The following SWI5 variants were observed in gnomAD, a reference collection of about 807,000 sequenced individuals.
SWI5 encodes SWI5 homologous recombination repair protein, also known as DNA repair protein SWI5 homolog.
In SWI5, 12 loss-of-function variants were observed where a neutral mutation model predicts 17.0. The ratio of observed to expected loss-of-function variants is 0.71; its 90% CI spans 0.45 to 1.14. The LOEUF (loss-of-function observed/expected upper bound fraction) is 1.14, where lower values mean the gene tolerates loss of function less well. SWI5 is among the 50% of genes most tolerant of loss of function. The pLI is 0.00. For missense variants in SWI5, 158 were observed against 162.2 expected, an observed-to-expected ratio of 0.97 and a Z score of 0.14; for synonymous variants, 61 against 64.0, an observed-to-expected ratio of 0.95 and a Z score of 0.22.
chr9:128,279,324 C>A (rs948082166), intron 2 of SWI5, among the ~76,000 whole-genome samples: 6 of 152,174 alleles, frequency 3.9e-5, no homozygotes, highest in African/African-American at 1.4e-4. Context: ...GAGAAAACCG[C>A]TGGGCCCAGG....
rs1436916997 is a variant in SWI5, at chr9:128,285,936, C to G, written c.234-3C>G. ...TTCCCCCTCTCTCCATCGCTTATCC[C>G]AGAGGCTACAGTGTGGATGAACTGG... On this transcript the variant is annotated splice_region_variant and splice_polypyrimidine_tract_variant and intron_variant, in intron 3 of 4. Transcript: ENST00000418976. This position sits in a 1 kb window ranked among gnomAD's most constrained non-coding sequence, Gnocchi z 4.8. The G allele has an allele frequency of 6.2e-7, 1 of 1,611,214 alleles. No individual in the cohort carries two copies. The highest frequency in any genetic ancestry group is 8.5e-7 in the Non-Finnish European group (1 of 1,177,384).
intron 4 of SWI5, among the ~76,000 whole-genome samples, chr9:128,287,038 GGCTGAGGCAGGAGACTCGC>G (rs1402145874): frequency 6.6e-6 from 1 of 151,654 alleles, no homozygotes; most frequent in Admixed American, 6.6e-5. Flanking sequence ...CTATTTGGGT[GGCTGAGGCAGGAGACTCGC>G]TTGAACCCGG....
intron 4 of SWI5, among the ~76,000 whole-genome samples, chr9:128,287,482 C>T (rs1831662734): frequency 6.7e-6 from 1 of 149,412 alleles, no homozygotes; most frequent in Non-Finnish European, 1.5e-5. Flanking sequence ...AAAAAGAACA[C>T]AAGCTCTTAG....
intron 2 of SWI5, among the ~76,000 whole-genome samples, chr9:128,277,119 A>C (rs1831419206): frequency 6.6e-6 from 1 of 152,022 alleles, no homozygotes; most frequent in East Asian, 1.9e-4. Context: ...AGTCAGGAAA[A>C]TGCTTGGCGT....
intron 2 of SWI5, chr9:128,278,577 A>G: frequency 2.3e-6 from 1 of 436,994 alleles, no homozygotes. Context: ...AAAAAAAAAA[A>G]GGAGGCTCTA....
At position 128,276,264 on chromosome 9, in the gene SWI5, T is replaced by A. The variant is rs199628663; in HGVS notation, c.-77T>A. 39 of 1,612,736 alleles carry A rather than the reference T, an allele frequency of 2.4e-5. No individual in the cohort carries two copies. Among genetic ancestry groups the A allele is most frequent in the Non-Finnish European group, 3.3e-5 (39 of 1,179,528 alleles). On this transcript the variant is annotated 5_prime_UTR_variant, in exon 1 of 5. Coordinates refer to ENST00000418976, the Ensembl canonical transcript of SWI5. ...GGCTTTCCTTGGGTGCGCGCGCAGC[T>A]TTCTGTGCGCCAGTTCACACTCCGG... is the stretch of plus-strand genomic sequence containing the variant.
exon 1 of SWI5, chr9:128,276,348 C>G: frequency 6.2e-7 from 1 of 1,613,358 alleles, no homozygotes; most frequent in Middle Eastern, 1.7e-4. Context: ...GCGCTGGACC[C>G]TCTTGCGCCA....
chr9:128,280,436 A>AC, intron 2 of SWI5, among the ~76,000 whole-genome samples: 1 of 151,832 alleles, frequency 6.6e-6, no homozygotes, highest in East Asian at 1.9e-4. Flanking sequence ...CATCAGAGGA[A>AC]CCCCAAGCTC....
At position 128,287,713 on chromosome 9, in the gene SWI5, C is replaced by A. The variant is rs113493514; in HGVS notation, c.329-939C>A. Among the ~76,000 whole-genome samples, 228 of 151,874 alleles carry A rather than the reference C, an allele frequency of 1.5e-3. 1 individual carries two copies. Among genetic ancestry groups the A allele is most frequent in the Non-Finnish European group, 2.5e-3 (172 of 67,968 alleles). On this transcript the variant is annotated intron_variant, in intron 4 of 4. Coordinates refer to ENST00000418976, the Ensembl canonical transcript of SWI5. Reference sequence around the variant, plus strand: ...AGTAGCTGGGACTGCAGGCATCCACCACCACGCCCGGCTAATTTTTGTATT... The same window carrying A: ...AGTAGCTGGGACTGCAGGCATCCACAACCACGCCCGGCTAATTTTTGTATT...
At chr9:128,288,506 A>T (rs1588509726) in intron 4 of SWI5, 146 bp from the exon 5 acceptor site, 1 of 813,538 alleles carries the variant, frequency 1.2e-6, no homozygotes, top group Non-Finnish European at 2.0e-6. Context: ...TACCTTGGCC[A>T]GTTAGGCAAG....
chr9:128,281,668 A>G (rs535746715), intron 2 of SWI5, among the ~76,000 whole-genome samples: 43 of 152,404 alleles, frequency 2.8e-4, no homozygotes, highest in Non-Finnish European at 4.0e-4. Context: ...CTATGCAATC[A>G]GCAGTAAACA....
chr9:128,285,250 G>A lies in SWI5; in HGVS notation c.233+619G>A, dbSNP rs1588507199. Among the ~76,000 whole-genome samples, 1 of 150,058 alleles carries A rather than the reference G, an allele frequency of 6.7e-6. No homozygotes were observed. The highest frequency in any genetic ancestry group is 2.0e-4 in the East Asian group (1 of 5,026). On this transcript the variant is annotated intron_variant, in intron 3 of 4. Transcript: ENST00000418976. The surrounding 1 kb of genome is among the most constrained non-coding windows in gnomAD (Gnocchi z 4.8). ...AAGAAAGGAAGGGAAAGAAGGAAAG[G>A]GGGGAAGGAAAGGGAAGGAAGGAAG...
At chr9:128,284,388 C>T in intron 2 of SWI5, 122 bp from the exon 3 acceptor site, 1 of 1,161,602 alleles carries the variant, frequency 8.6e-7, no homozygotes, top group Non-Finnish European at 1.2e-6. Context: ...GAAATGCAGT[C>T]TTATTGAGGG....
upstream of SWI5, chr9:128,275,748 G>A: frequency 1.7e-6 from 1 of 594,650 alleles, no homozygotes; most frequent in South Asian, 2.2e-5. Flanking sequence ...GGGGCTGGCT[G>A]ACAAGACTTT....
intron 4 of SWI5, chr9:128,286,297 G>C: frequency 2.2e-6 from 1 of 451,280 alleles, no homozygotes; most frequent in East Asian, 3.7e-5. Context: ...TGAGAACTCA[G>C]GGTCTCCCCA....
intron 2 of SWI5, among the ~76,000 whole-genome samples, chr9:128,281,028 CTTTTTTTTTTTTT>C (rs11306272): frequency 6.9e-5 from 3 of 43,774 alleles, no homozygotes; most frequent in East Asian, 1.2e-3. Context: ...TTCAACCATG[CTTTTTTTTTTTTT>C]TTTTTTTTTT....
chr9:128,288,812 A>G, exon 5 of SWI5: 1 of 1,402,748 alleles, frequency 7.1e-7, no homozygotes, highest in Non-Finnish European at 1.0e-6. Context: ...CAGAGTTTCC[A>G]GCGAGACAAT....
In SWI5 at chr9:128,284,493, CTT is replaced by C. The variant is rs1418897036; in HGVS notation, c.112-13_112-12del. On this transcript the variant is annotated splice_polypyrimidine_tract_variant and intron_variant, in intron 2 of 4. Transcript: ENST00000418976. ...GATAACTGGTCAGTCTGGCTGATGA[CTT>C]TTTCTGCCTCTCAGAGGCCATTGCC... 6.2e-7 allele frequency: 1 copy of C among 1,611,220 alleles called. No individual in the cohort carries two copies.
chr9:128,280,833 ACAC>A (rs750109088), intron 2 of SWI5, among the ~76,000 whole-genome samples: 14 of 151,484 alleles, frequency 9.2e-5, no homozygotes, highest in Non-Finnish European at 2.1e-4. Flanking sequence ...GTTCTTTTTC[ACAC>A]CACTATCCCC....
Sources: gnomAD v4.1 joint callset for allele counts (sites outside exome capture counted in the v4.1 genomes callset) on GRCh38, gnomAD v4.1.1 for gene constraint, Gnocchi (gnomAD v3.1) non-coding constraint, MANE v1.5 for transcripts, NCBI Gene and HGNC (gene_info 2026-07-23, HGNC 2026-07-21) for gene names.